Variants in SIAH3 observed in about 807,000 individuals in gnomAD.
SIAH3 encodes siah E3 ubiquitin protein ligase family member 3.
In SIAH3, 9 loss-of-function variants were observed where a neutral mutation model predicts 12.6. The ratio of observed to expected loss-of-function variants is 0.72; its 90% CI spans 0.43 to 1.25. The LOEUF is 1.25. SIAH3 is among the 50% of genes most tolerant of loss of function. SIAH3 has a pLI of 0.00. For missense variants in SIAH3, 390 were observed against 365.4 expected, an observed-to-expected ratio of 1.07 and a Z score of -0.55; for synonymous variants, 154 against 151.1, an observed-to-expected ratio of 1.02 and a Z score of -0.14.
intron 1 of SIAH3, 128 bp from the exon 2 acceptor site, chr13:45,784,185 C>CAACAAACA (rs10578981): frequency 0.01 from 7,025 of 700,528 alleles, 295 homozygotes; most frequent in African/African-American, 0.098. Flanking sequence ...ATTTCTTAAA[C>CAACAAACA]AACAAACAAA....
At chr13:45,835,366 T>G (rs1397899346) in intron 1 of SIAH3, among the ~76,000 whole-genome samples, 1 of 152,162 alleles carries the variant, frequency 6.6e-6, no homozygotes, top group Non-Finnish European at 1.5e-5. Context: ...TTTCTCTCCT[T>G]TCACTACACT....
chr13:45,824,202 G>A (rs976971154), intron 1 of SIAH3, among the ~76,000 whole-genome samples: 11 of 152,184 alleles, frequency 7.2e-5, no homozygotes, highest in African/African-American at 2.2e-4. Flanking sequence ...AATTATACAA[G>A]TAAAAACTGG....
At chr13:45,790,142 C>T (rs1950541362) in intron 1 of SIAH3, among the ~76,000 whole-genome samples, 1 of 152,166 alleles carries the variant, frequency 6.6e-6, no homozygotes, top group Admixed American at 6.5e-5. Flanking sequence ...TGAAATACCA[C>T]TGCATACAAA....
chr13:45,787,465 G>A (rs1365187582), intron 1 of SIAH3, among the ~76,000 whole-genome samples: 1 of 152,164 alleles, frequency 6.6e-6, no homozygotes, highest in Non-Finnish European at 1.5e-5. Flanking sequence ...GGGTACACCA[G>A]GGGCTCTGAG....
rs572065014 is a variant in SIAH3, at chr13:45,824,236, T to C, written c.135+27259A>G. Among the ~76,000 whole-genome samples the C allele has an allele frequency of 4.6e-5, 7 of 152,326 alleles. No homozygotes were observed. In the South Asian group the frequency reaches 1.0e-3, roughly 23 times the overall value. On this transcript the variant is annotated intron_variant, in intron 1 of 1. Coordinates refer to ENST00000400405, the MANE Select transcript of SIAH3 (RefSeq NM_198849.3). ...GGCAGAACTTGGTTTTGAAGTCAAT[T>C]CCTTTTAGTGCCAAACCCTTTATTT...
intron 1 of SIAH3, among the ~76,000 whole-genome samples, chr13:45,800,784 A>T (rs1950579069): frequency 6.6e-6 from 1 of 152,178 alleles, no homozygotes; most frequent in Non-Finnish European, 1.5e-5. Context: ...CATGCTACCT[A>T]TTAGAGATTG....
chr13:45,785,872 A>C (rs1228886876), intron 1 of SIAH3, among the ~76,000 whole-genome samples: 4 of 152,166 alleles, frequency 2.6e-5, no homozygotes, highest in Non-Finnish European at 4.4e-5. Context: ...ATGAAGGAAC[A>C]AGCTGTGTTC....
intron 1 of SIAH3, among the ~76,000 whole-genome samples, chr13:45,811,973 T>C (rs1304082806): frequency 2.0e-5 from 3 of 152,302 alleles, no homozygotes; most frequent in East Asian, 3.9e-4. Context: ...TGGAATCCCA[T>C]GGGAAGTCTC....
intron 1 of SIAH3, among the ~76,000 whole-genome samples, chr13:45,807,732 A>G (rs996341279): frequency 2.0e-5 from 3 of 152,214 alleles, no homozygotes; most frequent in Non-Finnish European, 4.4e-5. Flanking sequence ...AGTGGTGTCA[A>G]TATGGATGGA....
chr13:45,850,517 A>G (rs1950776665), intron 1 of SIAH3, among the ~76,000 whole-genome samples: 1 of 152,080 alleles, frequency 6.6e-6, no homozygotes, highest in African/African-American at 2.4e-5. Flanking sequence ...TCCATCTTTT[A>G]TGTTAGGAGA....
At chr13:45,833,198 C>T (rs1427818813) in intron 1 of SIAH3, among the ~76,000 whole-genome samples, 2 of 152,202 alleles carry the variant, frequency 1.3e-5, no homozygotes, top group African/African-American at 4.8e-5. Context: ...TAAATATATG[C>T]TCATAGAAGG....
chr13:45,804,158 C>T (rs1950591357), intron 1 of SIAH3, among the ~76,000 whole-genome samples: 1 of 151,910 alleles, frequency 6.6e-6, no homozygotes, highest in African/African-American at 2.4e-5. Flanking sequence ...TTGGGGAGGG[C>T]ATACATATTA....
chr13:45,808,285 A>AAATTAC (rs1388707238), intron 1 of SIAH3, among the ~76,000 whole-genome samples: 3 of 152,244 alleles, frequency 2.0e-5, no homozygotes, highest in Admixed American at 6.5e-5. Flanking sequence ...ACAGCACAAA[A>AAATTAC]AATTACAGAA....
chr13:45,796,673 C>T (rs865969393), intron 1 of SIAH3, among the ~76,000 whole-genome samples: 2 of 152,208 alleles, frequency 1.3e-5, no homozygotes, highest in South Asian at 2.1e-4. Context: ...TTAGACTTGG[C>T]GGCTAAGGAC....
chr13:45,789,953 C>T (rs1052140934), intron 1 of SIAH3, among the ~76,000 whole-genome samples: 1 of 152,098 alleles, frequency 6.6e-6, no homozygotes, highest in African/African-American at 2.4e-5. Context: ...GAAATGGGCT[C>T]TAGTTGAGGA....
intron 1 of SIAH3, among the ~76,000 whole-genome samples, chr13:45,799,407 GAAGA>G (rs1950573804): frequency 6.6e-6 from 1 of 152,222 alleles, no homozygotes; most frequent in Non-Finnish European, 1.5e-5. Context: ...AATCCATTTA[GAAGA>G]AAGTATCATA....
intron 1 of SIAH3, among the ~76,000 whole-genome samples, chr13:45,796,063 G>A (rs1333414110): frequency 1.3e-5 from 2 of 152,200 alleles, no homozygotes; most frequent in Non-Finnish European, 2.9e-5. Context: ...TTATCTTTGT[G>A]TGTGGACATA....
intron 1 of SIAH3, among the ~76,000 whole-genome samples, chr13:45,825,784 G>T (rs1324091932): frequency 1.3e-5 from 2 of 152,080 alleles, no homozygotes. Context: ...ACCTGTTCTG[G>T]CTACATCCTC....
At chr13:45,784,647 A>G (rs1950521151) in intron 1 of SIAH3, among the ~76,000 whole-genome samples, 1 of 152,072 alleles carries the variant, frequency 6.6e-6, no homozygotes, top group African/African-American at 2.4e-5. Context: ...GTCCCTAAGG[A>G]GAGAGTCCCC....
Sources: gnomAD v4.1 joint callset for allele counts (sites outside exome capture counted in the v4.1 genomes callset) on GRCh38, gnomAD v4.1.1 for gene constraint, MANE v1.5 for transcripts, NCBI Gene and HGNC (gene_info 2026-07-23, HGNC 2026-07-21) for gene names.